GPHN: variants seen among roughly 807,000 people sequenced by gnomAD.
The protein encoded by GPHN is gephyrin.
Under a neutral mutation model 95.5 loss-of-function variants are expected in GPHN, and 17 were observed. That is an observed-to-expected ratio of 0.18 (90% confidence interval 0.12 to 0.27). The LOEUF is 0.27. Among genes scored for constraint, GPHN ranks in the 10% least tolerant of loss-of-function variants. The probability of loss-of-function intolerance (pLI) is 1.00; values close to 1 mark genes in which losing one functional copy is unlikely to be tolerated. For missense variants in GPHN, 660 were observed against 978.1 expected (o/e 0.67, Z 4.34); for synonymous variants, 320 against 322.5 (o/e 0.99, Z 0.08).
rs143629437 is a variant in GPHN at position 66,612,704 on chromosome 14, TC to T, written c.65-68402del. Among the ~76,000 whole-genome samples the T allele has an allele frequency of 3.9e-3, 589 of 152,234 alleles. 6 individuals carry two copies. The highest frequency in any genetic ancestry group is 0.014 in the African/African-American group (567 of 41,558). On this transcript the variant is annotated intron_variant, in intron 1 of 22. Transcript: ENST00000478722. ...AATGTTTCTTTCTCTCCAGAAACTTTCTATTGCCTCTTTCCAGTCAGTCTTC... is the reference window on the plus strand; with the variant it reads ...AATGTTTCTTTCTCTCCAGAAACTTTTATTGCCTCTTTCCAGTCAGTCTTC...
At chr14:67,159,391 A>G (rs1242319508) in intron 18 of GPHN, 24 bp from the exon 19 acceptor site, 1 of 1,350,014 alleles carries the variant, frequency 7.4e-7, no homozygotes, top group South Asian at 1.2e-5. Flanking sequence ...TTGAAAGTAA[A>G]GTGATTATTT....
At chr14:66,553,657 A>G (rs964698547) in intron 1 of GPHN, among the ~76,000 whole-genome samples, 5 of 152,120 alleles carry the variant, frequency 3.3e-5, no homozygotes, top group Middle Eastern at 3.4e-3. Flanking sequence ...GTTCACTGCA[A>G]CTTCTGCCTC....
At chr14:66,529,772 CTT>C (rs1428491144) in intron 1 of GPHN, among the ~76,000 whole-genome samples, 1 of 152,168 alleles carries the variant, frequency 6.6e-6, no homozygotes, top group Non-Finnish European at 1.5e-5. Flanking sequence ...TCCAGACCCT[CTT>C]TGCATAGGTA....
At chr14:67,399,023 C>A in the GPHN span, among the ~76,000 whole-genome samples, 1 of 152,246 alleles carries the variant, frequency 6.6e-6, no homozygotes, top group Non-Finnish European at 1.5e-5. Context: ...AATATCCTTG[C>A]ACGTAAATTT....
At chr14:66,746,823 C>T (rs2058170412) in intron 2 of GPHN, among the ~76,000 whole-genome samples, 1 of 152,050 alleles carries the variant, frequency 6.6e-6, no homozygotes, top group African/African-American at 2.4e-5. Context: ...TTGGTGCTGC[C>T]CTTTTGGCAT....
intron 2 of GPHN, among the ~76,000 whole-genome samples, chr14:66,773,153 A>G (rs531896090): frequency 5.9e-5 from 9 of 152,274 alleles, no homozygotes; most frequent in Middle Eastern, 3.4e-3. Context: ...GGGAAGTGCA[A>G]TCGGGCAGAC....
chr14:66,508,940 C>G (rs1052845003), intron 1 of GPHN: 4 of 366,078 alleles, frequency 1.1e-5, no homozygotes, highest in East Asian at 6.8e-5. Context: ...CAGTCTGAAG[C>G]ATGCCGCTCT....
intron 4 of GPHN, among the ~76,000 whole-genome samples, chr14:66,846,441 C>T (rs2062343023): frequency 6.6e-6 from 1 of 152,036 alleles, no homozygotes; most frequent in Non-Finnish European, 1.5e-5. Flanking sequence ...GGGGAAAAGA[C>T]ATTTAACAAA....
At chr14:66,568,344 G>A (rs1346001191) in intron 1 of GPHN, among the ~76,000 whole-genome samples, 4 of 152,034 alleles carry the variant, frequency 2.6e-5, no homozygotes, top group Non-Finnish European at 5.9e-5. Context: ...TTCTTGGTTA[G>A]GCCTGCGTGC....
chr14:67,656,429 C>T, the GPHN span: 8,148 of 1,610,328 alleles, frequency 5.1e-3, 30 homozygotes, highest in Non-Finnish European at 6.1e-3. Flanking sequence ...ACTCTTGGTA[C>T]GTTCTAACTG....
the GPHN span, among the ~76,000 whole-genome samples, chr14:67,619,610 C>G: frequency 6.6e-6 from 1 of 152,274 alleles, no homozygotes; most frequent in Non-Finnish European, 1.5e-5. Flanking sequence ...GTTCAGGAAC[C>G]TGGCATGGGC....
At chr14:67,097,357 G>A (rs2077452211) in intron 12 of GPHN, among the ~76,000 whole-genome samples, 1 of 152,194 alleles carries the variant, frequency 6.6e-6, no homozygotes, top group African/African-American at 2.4e-5. Context: ...CAACATATGA[G>A]TTATCTTGGT....
the GPHN span, chr14:67,588,166 A>G: frequency 1.3e-5 from 2 of 152,654 alleles, no homozygotes; most frequent in Non-Finnish European, 2.9e-5. Flanking sequence ...ACCCAGTACC[A>G]CGCAATGTGC....
At chr14:67,196,223 C>CTTTTTTTTTTTTTTT in the GPHN span, among the ~76,000 whole-genome samples, 20 of 143,134 alleles carry the variant, frequency 1.4e-4, no homozygotes, top group Non-Finnish European at 2.0e-4. Context: ...TTCTTTCTTT[C>CTTTTTTTTTTTTTTT]TTTTTTTTTT....
At chr14:66,979,158 G>A (rs899488220) in intron 9 of GPHN, among the ~76,000 whole-genome samples, 3 of 152,180 alleles carry the variant, frequency 2.0e-5, no homozygotes, top group African/African-American at 4.8e-5. Flanking sequence ...TTCCAGAATG[G>A]TCACTAATCA....
chr14:66,661,635 CA>C (rs1377470879), intron 1 of GPHN, among the ~76,000 whole-genome samples: 1 of 152,174 alleles, frequency 6.6e-6, no homozygotes, highest in African/African-American at 2.4e-5. Flanking sequence ...TCTAATACAA[CA>C]TGGCCGACTA....
chr14:67,131,473 A>G (rs2079703097), intron 17 of GPHN, among the ~76,000 whole-genome samples: 1 of 152,104 alleles, frequency 6.6e-6, no homozygotes, highest in South Asian at 2.1e-4. Flanking sequence ...CAATTATACA[A>G]CAGTCCAGAA....
At chr14:67,663,449 G>A in the GPHN span, among the ~76,000 whole-genome samples, 8 of 152,154 alleles carry the variant, frequency 5.3e-5, no homozygotes, top group African/African-American at 1.4e-4. Context: ...CGAGGCGGGC[G>A]GATCATGAGG....
the GPHN span, among the ~76,000 whole-genome samples, chr14:67,191,889 A>G: frequency 6.6e-6 from 1 of 152,242 alleles, no homozygotes. Flanking sequence ...TCAAATGAAA[A>G]CTATACTGTA....
Sources: gnomAD v4.1 joint callset for allele counts (sites outside exome capture counted in the v4.1 genomes callset) on GRCh38, gnomAD v4.1.1 for gene constraint, MANE v1.5 for transcripts, NCBI Gene and HGNC (gene_info 2026-07-23, HGNC 2026-07-21) for gene names.